Variants in CACNG2 observed in about 807,000 individuals in gnomAD.
CACNG2 encodes the protein calcium voltage-gated channel auxiliary subunit gamma 2.
In CACNG2, 3 loss-of-function variants were observed where a neutral mutation model predicts 25.9. The observed-to-expected ratio is 0.12, with a 90% CI of 0.05 to 0.30. The LOEUF (loss-of-function observed/expected upper bound fraction) is 0.30. Ranked by LOEUF, CACNG2 falls within the 10% of genes least tolerant of loss-of-function variation. The pLI, the probability that CACNG2 is intolerant of heterozygous loss-of-function variation, is 1.00. For synonymous variants in CACNG2, 167 were observed against 173.3 expected (o/e 0.96, Z 0.29); for missense variants, 341 against 432.5 (o/e 0.79, Z 1.88).
chr22:36,565,446 G>A (rs921282177), intron 3 of CACNG2, among the ~76,000 whole-genome samples: 3 of 151,964 alleles, frequency 2.0e-5, no homozygotes, highest in Admixed American at 2.0e-4. Context: ...GGTTAAATGG[G>A]TGAATACATG....
intron 1 of CACNG2, among the ~76,000 whole-genome samples, chr22:36,652,781 C>A (rs1936639849): frequency 6.6e-6 from 1 of 152,064 alleles, no homozygotes; most frequent in Non-Finnish European, 1.5e-5. Context: ...GTTGAGAGAA[C>A]CTGTGGCAAG....
intron 1 of CACNG2, among the ~76,000 whole-genome samples, chr22:36,695,642 G>T (rs1020228940): frequency 1.3e-5 from 2 of 151,772 alleles, no homozygotes; most frequent in African/African-American, 4.8e-5. Flanking sequence ...CATCCTTCAG[G>T]TCTTCACTCC....
intron 1 of CACNG2, among the ~76,000 whole-genome samples, chr22:36,607,544 C>T (rs1449594340): frequency 6.6e-6 from 1 of 152,152 alleles, no homozygotes; most frequent in Non-Finnish European, 1.5e-5. Context: ...GCACCTGGTC[C>T]CCTTGGTCCA....
chr22:36,611,712 C>A lies in CACNG2; in HGVS notation c.212-24164G>T, dbSNP rs541485097. Among the ~76,000 whole-genome samples the A allele has an allele frequency of 5.3e-5, 8 of 152,312 alleles. No homozygotes were observed. In the South Asian group the frequency reaches 1.7e-3, roughly 32 times the overall value. ...ACTAAAGTGTGGGAGTCTGACCAGC[C>A]GCGGGTCTCCAGGCTGTTGTTCTAG... On this transcript the variant is annotated intron_variant, in intron 1 of 3. Transcript: ENST00000300105.
At chr22:36,567,946 T>A (rs1447318930) in intron 2 of CACNG2, among the ~76,000 whole-genome samples, 1 of 152,006 alleles carries the variant, frequency 6.6e-6, no homozygotes, top group African/African-American at 2.4e-5. Flanking sequence ...GCCTCCTGGG[T>A]TCAAGTGATT....
intron 2 of CACNG2, among the ~76,000 whole-genome samples, chr22:36,577,465 C>G (rs1389733804): frequency 6.6e-6 from 1 of 151,964 alleles, no homozygotes; most frequent in Non-Finnish European, 1.5e-5. Flanking sequence ...TCCTGGCCAA[C>G]ATGGTGAAAC....
chr22:36,673,840 G>C (rs541621462), intron 1 of CACNG2, among the ~76,000 whole-genome samples: 110 of 152,070 alleles, frequency 7.2e-4, no homozygotes, highest in Non-Finnish European at 1.4e-3. Context: ...GAGTTATCAC[G>C]AGTCAGCTCT....
chr22:36,699,652 G>A lies in CACNG2; in HGVS notation c.211+2714C>T, dbSNP rs142620597. Among the ~76,000 whole-genome samples the A allele has an allele frequency of 4.5e-4, 61 of 134,852 alleles. 2 individuals are homozygous for A. The East Asian group carries it at 0.014, about 31-fold the overall frequency. The allele number at this position is 134,852 out of a possible 152,430, so 88.5% of individuals were successfully genotyped here. ...CACAGATCAAGTGGTTAAGGGGTGG[G>A]GGGTGGGGGGATCTTTTTTGAAAGT... is the stretch of plus-strand genomic sequence containing the variant. On this transcript the variant is annotated intron_variant, in intron 1 of 3. Transcript: ENST00000300105.
intron 2 of CACNG2, among the ~76,000 whole-genome samples, chr22:36,581,754 T>G (rs562054312): frequency 1.3e-5 from 2 of 152,224 alleles, no homozygotes; most frequent in African/African-American, 4.8e-5. Flanking sequence ...GTTCATTGAG[T>G]TTCATGGCTT....
In CACNG2 at chr22:36,703,738, G is replaced by A. The variant is rs1364633711; in HGVS notation, c.-1162C>T. Reference sequence around the variant, plus strand: ...CCTGGGCTCCCGGAGCTTAGAGGAAGGCGTAGCTAGAGATAGCTCGCGCTC... The same window carrying A: ...CCTGGGCTCCCGGAGCTTAGAGGAAAGCGTAGCTAGAGATAGCTCGCGCTC... On this transcript the variant is annotated 5_prime_UTR_variant, in exon 1 of 4. Transcript: ENST00000300105. Among the ~76,000 whole-genome samples the A allele has an allele frequency of 7.3e-6, 1 of 136,210 alleles. No homozygotes were observed. The allele number at this position is 136,210 out of a possible 152,430, so 89.4% of individuals were successfully genotyped here. A position where few individuals can be genotyped will look rare whatever the true frequency, so the allele number is the denominator to read the frequency against.
Position 36,566,337 on chromosome 22 carries a change from G to GCAGTGGCAGTGCAGGT in CACNG2, c.436+15_436+16insACCTGCACTGCCACTG. On this transcript the variant is annotated intron_variant, in intron 3 of 3. Transcript: ENST00000300105. ...AGCCTTCTTCCCAGTGGCAGGACTG[G>GCAGTGGCAGTGCAGGT]ATCAGTGGCTGTTACCTGCAGACAC... The GCAGTGGCAGTGCAGGT allele has an allele frequency of 6.2e-7, 1 of 1,613,666 alleles. No individual in the cohort carries two copies. The highest frequency in any genetic ancestry group is 8.5e-7 in the Non-Finnish European group (1 of 1,179,816).
At chr22:36,639,718 G>A (rs1228260005) in intron 1 of CACNG2, among the ~76,000 whole-genome samples, 4 of 152,200 alleles carry the variant, frequency 2.6e-5, no homozygotes, top group Non-Finnish European at 5.9e-5. Context: ...AAATGAAATT[G>A]GGAGTTGGCA....
At chr22:36,638,901 C>A (rs1936400185) in intron 1 of CACNG2, among the ~76,000 whole-genome samples, 1 of 152,228 alleles carries the variant, frequency 6.6e-6, no homozygotes, top group Non-Finnish European at 1.5e-5. Flanking sequence ...TATTTATAGA[C>A]TCCTGTTCAT....
In CACNG2 at chr22:36,582,402, C is replaced by CTTTTTTTTTTTTTTTTTTTTTTTTTT. The variant is rs1304757528; in HGVS notation, c.295+5062_295+5063insAAAAAAAAAAAAAAAAAAAAAAAAAA. Reference sequence around the variant, plus strand: ...CCTTTGCACTTGCTGTTTGCTCTTTCTTTCTTTCTTTTTTTTTTTTGAGAC... The same window carrying CTTTTTTTTTTTTTTTTTTTTTTTTTT: ...CCTTTGCACTTGCTGTTTGCTCTTTCTTTTTTTTTTTTTTTTTTTTTTTTTTTTTCTTTCTTTTTTTTTTTTGAGAC... On this transcript the variant is annotated intron_variant, in intron 2 of 3. Transcript: ENST00000300105. Among the ~76,000 whole-genome samples, 2 of 136,228 alleles carry CTTTTTTTTTTTTTTTTTTTTTTTTTT rather than the reference C, an allele frequency of 1.5e-5. 1 individual carries two copies. Among genetic ancestry groups the CTTTTTTTTTTTTTTTTTTTTTTTTTT allele is most frequent in the Admixed American group, 1.6e-4 (2 of 12,840 alleles). The allele number at this position is 136,228 out of a possible 152,430, so 89.4% of individuals were successfully genotyped here.
Position 36,564,461 on chromosome 22 carries a change from A to G in CACNG2, c.862T>C (p.Tyr288His), listed in dbSNP as rs1437546235. The stretch of plus-strand genomic sequence containing the variant: ...AAGCTGTTATCCCTGTCGGAGTTGT[A>G]GGTGGCGGTGGGCGTGGTGGCGGCC... ...LKAATTPTATYNSDRDNSFLQ... is the reference protein window; with the variant it reads ...LKAATTPTATHNSDRDNSFLQ... Residue 288 changes from tyrosine (Y) to histidine (H), a missense_variant, in exon 4 of 4, where the codon TAC (tyrosine) becomes CAC (histidine). This residue lies in a region of CACNG2 where 172 missense variants were observed against 178.1 expected (regional missense o/e 0.97). Coordinates refer to ENST00000300105, the MANE Select transcript of CACNG2 (RefSeq NM_006078.5). The surrounding 1 kb of genome is among the most constrained non-coding windows in gnomAD (Gnocchi z 6.7). 3 of 1,613,868 alleles carry G rather than the reference A, an allele frequency of 1.9e-6. No homozygotes were observed. The highest frequency in any genetic ancestry group is 2.5e-6 in the Non-Finnish European group (3 of 1,179,972).
intron 1 of CACNG2, among the ~76,000 whole-genome samples, chr22:36,633,331 G>A (rs189690800): frequency 2.1e-4 from 32 of 152,310 alleles, no homozygotes; most frequent in African/African-American, 7.2e-4. Flanking sequence ...TTCACGGAGG[G>A]TAACTGCTAT....
At chr22:36,609,822 C>G (rs1244743126) in intron 1 of CACNG2, among the ~76,000 whole-genome samples, 1 of 147,876 alleles carries the variant, frequency 6.8e-6, no homozygotes, top group East Asian at 2.1e-4. Context: ...AGAGCATGAT[C>G]AGGACGAATC....
intron 2 of CACNG2, chr22:36,585,094 T>C (rs1329710716): frequency 6.6e-6 from 1 of 152,270 alleles, no homozygotes; most frequent in Non-Finnish European, 1.5e-5. Flanking sequence ...CCCAGTCACT[T>C]CATTGCTCAG....
At chr22:36,657,561 G>A (rs1245706937) in intron 1 of CACNG2, among the ~76,000 whole-genome samples, 1 of 151,842 alleles carries the variant, frequency 6.6e-6, no homozygotes, top group Admixed American at 6.6e-5. Flanking sequence ...AATCTTCTCT[G>A]GATTGAGGAG....
Sources: allele counts gnomAD v4.1 joint callset (sites outside exome capture counted in the v4.1 genomes callset), GRCh38; gene constraint gnomAD v4.1.1; regional missense constraint gnomAD v4.1.1; non-coding constraint Gnocchi (gnomAD v3.1); transcripts MANE v1.5; gene names NCBI Gene and HGNC (gene_info 2026-07-23, HGNC 2026-07-21).